SRSF11: variants seen among roughly 807,000 people sequenced by gnomAD.
The protein encoded by SRSF11 is serine and arginine rich splicing factor 11.
In SRSF11, 9 loss-of-function variants were observed where a neutral mutation model predicts 56.0. That is an observed-to-expected ratio of 0.16 (90% CI 0.10 to 0.28). The LOEUF is 0.28. SRSF11 is among the 10% of genes least tolerant of loss of function. SRSF11 has a pLI of 1.00. For synonymous variants in SRSF11, 222 were observed against 215.3 expected (o/e 1.03, Z -0.27); for missense variants, 421 against 600.7 (o/e 0.70, Z 3.13).
intron 2 of SRSF11, chr1:70,229,157 A>G: frequency 7.8e-7 from 1 of 1,277,300 alleles, no homozygotes; most frequent in Admixed American, 2.4e-5. Flanking sequence ...TTTCTAGAAT[A>G]TCTCTAAATA....
intron 1 of SRSF11, among the ~76,000 whole-genome samples, chr1:70,207,608 T>G (rs1164593198): frequency 6.6e-6 from 1 of 152,180 alleles, no homozygotes; most frequent in Non-Finnish European, 1.5e-5. Context: ...CTTTTTCTCT[T>G]TATAGTAACA....
chr1:70,247,306 A>C (rs1024951206), intron 9 of SRSF11, among the ~76,000 whole-genome samples: 2 of 152,126 alleles, frequency 1.3e-5, no homozygotes, highest in African/African-American at 4.8e-5. Context: ...AATGGGAAGC[A>C]ATGCAGGTTC....
Position 70,236,211 on chromosome 1 carries a change from AAAT to A in SRSF11, c.590+666_590+668del, listed in dbSNP as rs1673972684. Among the ~76,000 whole-genome samples, 3 of 152,274 alleles carry A rather than the reference AAAT, an allele frequency of 2.0e-5. No homozygotes were observed. The South Asian group carries it at 6.2e-4, about 32-fold the overall frequency. On this transcript the variant is annotated intron_variant, in intron 5 of 11. Transcript: ENST00000370949. ...TACCCATCACCCAGCTTATAAAATA[AAAT>A]AATACCAATACAGTTGAAGCTTCCT... is the stretch of plus-strand genomic sequence containing the variant.
At chr1:70,250,090 G>A in intron 10 of SRSF11, 43 bp downstream of exon 10, 1 of 1,551,328 alleles carries the variant, frequency 6.4e-7, no homozygotes, top group Non-Finnish European at 8.8e-7. Context: ...ATATTTTTCA[G>A]AGGTTTTTCA....
intron 2 of SRSF11, chr1:70,231,263 T>G (rs1387802205): frequency 1.7e-6 from 2 of 1,187,450 alleles, no homozygotes; most frequent in Non-Finnish European, 2.1e-6. Context: ...TACTGGTATT[T>G]GCAAATATGT....
At chr1:70,231,782 T>TA (rs1425421562) in intron 2 of SRSF11, 103 of 1,318,138 alleles carry the variant, frequency 7.8e-5, no homozygotes, top group Non-Finnish European at 1.0e-4. Context: ...AAAATCATAG[T>TA]AACTGTACCA....
rs1459837694 is a variant in SRSF11 at position 70,244,600 on chromosome 1, C to T, written c.801-84C>T. On this transcript the variant is annotated intron_variant, in intron 7 of 11. Transcript: ENST00000370949. Reference sequence around the variant, plus strand: ...CATTTAATTGTTTAGTCCATATGTCCGAATCTTTTGTCTGATACTAAGCAC... The same window carrying T: ...CATTTAATTGTTTAGTCCATATGTCTGAATCTTTTGTCTGATACTAAGCAC... 5.2e-5 allele frequency: 75 copies of T among 1,449,790 alleles called. 2 individuals carry two copies. The highest frequency in any genetic ancestry group is 1.9e-4 in the Middle Eastern group (1 of 5,154). The allele number at this position is 1,449,790 out of a possible 1,614,324, so 89.8% of individuals were successfully genotyped here.
chr1:70,218,443 A>G (rs1670218710), upstream of SRSF11: 1 of 152,210 alleles, frequency 6.6e-6, no homozygotes, highest in East Asian at 1.9e-4. Flanking sequence ...TCAGTAAGTT[A>G]TTGTACATAA....
rs1470166121 is a variant in SRSF11 at position 70,251,751 on chromosome 1, A to C, written c.*946A>C. On this transcript the variant is annotated 3_prime_UTR_variant, in exon 12 of 12. Coordinates refer to ENST00000370949, the MANE Select transcript of SRSF11 (RefSeq NM_001350605.2). ...TACGCTTTTAAAATAAGACAAATCT[A>C]CTTGATAATGTACCTTTATTTGATC... The C allele has an allele frequency of 6.6e-6, 1 of 152,594 alleles. No individual in the cohort carries two copies. Among genetic ancestry groups the C allele is most frequent in the Non-Finnish European group, 1.5e-5 (1 of 67,986 alleles). The allele number at this position is 152,594 out of a possible 1,614,324, so 9.5% of individuals were successfully genotyped here.
intron 9 of SRSF11, among the ~76,000 whole-genome samples, chr1:70,247,823 A>G (rs1259541273): frequency 1.3e-5 from 2 of 152,158 alleles, no homozygotes; most frequent in Non-Finnish European, 2.9e-5. Flanking sequence ...GAACTCAGCA[A>G]TAGACAGGCA....
intron 1 of SRSF11, among the ~76,000 whole-genome samples, chr1:70,226,818 A>G (rs1444889856): frequency 6.6e-6 from 1 of 152,234 alleles, no homozygotes; most frequent in African/African-American, 2.4e-5. Context: ...TGGGTAACAT[A>G]GTAAGACCCC....
chr1:70,207,724 C>CTTT (rs202160955), intron 1 of SRSF11, among the ~76,000 whole-genome samples: 1 of 136,490 alleles, frequency 7.3e-6, no homozygotes. Flanking sequence ...TTCTTTCGTT[C>CTTT]TTTTTTTTTT....
rs577456135 is a variant in SRSF11 at position 70,232,498 on chromosome 1, C to T, written c.447+121C>T. ...TAGTTCAGATAGCATTATCACATGTCTATATCAAAATCACAAATAGTATAG... is the reference window on the plus strand; with the variant it reads ...TAGTTCAGATAGCATTATCACATGTTTATATCAAAATCACAAATAGTATAG... On this transcript the variant is annotated intron_variant, in intron 3 of 11. Coordinates refer to ENST00000370949, the MANE Select transcript of SRSF11 (RefSeq NM_001350605.2). The T allele has an allele frequency of 1.5e-3, 1,032 of 700,022 alleles. 2 individuals carry two copies. Among genetic ancestry groups the T allele is most frequent in the Non-Finnish European group, 2.2e-3 (925 of 417,872 alleles). 43.4% of individuals were successfully genotyped at this position (700,022 alleles called of 1,614,324 possible). A position where few individuals can be genotyped will look rare whatever the true frequency, so the allele number is the denominator to read the frequency against.
At position 70,215,101 on chromosome 1, in the gene SRSF11, T is replaced by G. The variant is rs111460000; in HGVS notation, c.-25-6511T>G. On this transcript the variant is annotated intron_variant, in intron 1 of 12. Transcript: ENST00000370950. Reference sequence around the variant, plus strand: ...TTAGTAGAGGCGGGGTTTCGTCATTTTGGCCACGCTAGTCTTGAACTCCTG... The same window carrying G: ...TTAGTAGAGGCGGGGTTTCGTCATTGTGGCCACGCTAGTCTTGAACTCCTG... 1.4e-3 allele frequency among the ~76,000 whole-genome samples: 214 copies of G among 152,130 alleles called. 1 individual carries two copies. The highest frequency in any genetic ancestry group is 5.0e-3 in the African/African-American group (208 of 41,494).
chr1:70,226,475 G>T (rs1363186988), intron 1 of SRSF11, among the ~76,000 whole-genome samples: 1 of 152,090 alleles, frequency 6.6e-6, no homozygotes. Context: ...AATACAATTT[G>T]AGCACGGGGG....
rs1353228127 is a variant in SRSF11, at chr1:70,228,786, AGTT to A, written c.337+235_337+237del. 9.3e-6 allele frequency: 11 copies of A among 1,176,646 alleles called. No homozygotes were observed. In the East Asian group the frequency reaches 4.1e-4, roughly 44 times the overall value. The allele number at this position is 1,176,646 out of a possible 1,614,324, so 72.9% of individuals were successfully genotyped here. A position where few individuals can be genotyped will look rare whatever the true frequency, so the allele number is the denominator to read the frequency against. On this transcript the variant is annotated intron_variant, in intron 2 of 11. Transcript: ENST00000370949. ...TTTGTTTTCTTTTAAAACATTTTTAAGTTGTTTAAAACCATGTCCCTTATTGTA... is the reference window on the plus strand; with the variant it reads ...TTTGTTTTCTTTTAAAACATTTTTAAGTTTAAAACCATGTCCCTTATTGTA...
intron 2 of SRSF11, chr1:70,232,025 T>A: frequency 6.9e-7 from 1 of 1,447,300 alleles, no homozygotes; most frequent in Non-Finnish European, 9.2e-7. Flanking sequence ...TATTGTGCTA[T>A]TTTTTTTTAC....
At chr1:70,205,767 A>T in exon 1 of SRSF11, 1 of 455,888 alleles carries the variant, frequency 2.2e-6, no homozygotes, top group Non-Finnish European at 4.0e-6. Context: ...GCGTCCTGGA[A>T]TTACTTCAAT....
At chr1:70,234,108 TGAGAGGC>T (rs1321117052) in intron 3 of SRSF11, among the ~76,000 whole-genome samples, 1 of 152,158 alleles carries the variant, frequency 6.6e-6, no homozygotes, top group Non-Finnish European at 1.5e-5. Context: ...TAAAACTTAC[TGAGAGGC>T]GAGGGCTACT....
Sources: allele counts gnomAD v4.1 joint callset (sites outside exome capture counted in the v4.1 genomes callset), GRCh38; gene constraint gnomAD v4.1.1; transcripts MANE v1.5; gene names NCBI Gene and HGNC (gene_info 2026-07-23, HGNC 2026-07-21).